GNA11: variants seen among roughly 807,000 people sequenced by gnomAD.
GNA11 encodes the protein guanine nucleotide-binding protein subunit alpha-11.
GNA11 carries 8 observed loss-of-function variants against 38.2 expected under a neutral mutation model. That is an observed-to-expected ratio of 0.21 (90% confidence interval 0.12 to 0.38). The LOEUF (loss-of-function observed/expected upper bound fraction) is 0.38, where lower values mean the gene tolerates loss of function less well. Among genes scored for constraint, GNA11 ranks in the 10% least tolerant of loss-of-function variants. The pLI is 1.00. For synonymous variants in GNA11, 211 were observed against 221.4 expected (o/e 0.95, Z 0.42); for missense variants, 268 against 516.3 (o/e 0.52, Z 4.66).
chr19:3,113,515 G>C (rs1913833266), intron 3 of GNA11, 31 bp downstream of exon 3: 3 of 1,520,800 alleles, frequency 2.0e-6, no homozygotes, highest in East Asian at 4.7e-5. Flanking sequence ...GGCGGCCTGG[G>C]GACGGCAGCT....
chr19:3,103,252 T>C (rs4807401), intron 1 of GNA11, among the ~76,000 whole-genome samples: 112,411 of 151,914 alleles, frequency 0.74, 42,624 homozygotes, highest in Admixed American at 0.83. Flanking sequence ...CTCACTCTGT[T>C]GCCCAGGCTG....
At chr19:3,111,991 GCTTCTGAAA>G (rs1203534720) in intron 2 of GNA11, among the ~76,000 whole-genome samples, 1 of 152,234 alleles carries the variant, frequency 6.6e-6, no homozygotes, top group Non-Finnish European at 1.5e-5. Context: ...ATCTCCATCA[GCTTCTGAAA>G]CACGCATCTG....
intron 3 of GNA11, among the ~76,000 whole-genome samples, 188 bp from the exon 4 acceptor site, chr19:3,114,756 G>T (rs1057438123): frequency 1.8e-4 from 27 of 152,166 alleles, no homozygotes; most frequent in African/African-American, 6.0e-4. Context: ...TGGGAGGCTC[G>T]TATCCCGACC....
At chr19:3,097,731 G>A (rs575223296) in intron 1 of GNA11, among the ~76,000 whole-genome samples, 3 of 149,014 alleles carry the variant, frequency 2.0e-5, no homozygotes, top group East Asian at 2.2e-4. Context: ...CCTCTCCCGC[G>A]GCGGCTAAAA....
rs867185796 is a variant in GNA11 at position 3,115,078 on chromosome 19, G to T, written c.605+6G>T. The stretch of plus-strand genomic sequence containing the variant: ...CTGGAGAACATCATCTTCCGGTACC[G>T]CCCGGGCCACAGCAGGCGGGGAGGG... On this transcript the variant is annotated splice_donor_region_variant and intron_variant, in intron 4 of 6. Transcript: ENST00000078429. 1.9e-5 allele frequency: 31 copies of T among 1,605,954 alleles called. 2 individuals are homozygous for T. In the Middle Eastern group the frequency reaches 5.0e-3, roughly 257 times the overall value.
intron 1 of GNA11, among the ~76,000 whole-genome samples, chr19:3,099,620 G>T (rs1467088435): frequency 6.6e-6 from 1 of 152,088 alleles, no homozygotes; most frequent in Admixed American, 6.6e-5. Context: ...CCAGACTCTC[G>T]CTGTCATCTG....
At chr19:3,113,650 A>G (rs993913847) in intron 3 of GNA11, among the ~76,000 whole-genome samples, 166 bp downstream of exon 3, 2 of 152,168 alleles carry the variant, frequency 1.3e-5, no homozygotes, top group Non-Finnish European at 2.9e-5. Context: ...ACCAGAGCAG[A>G]TCCCTGGAGG....
rs952342997 is a variant in GNA11, at chr19:3,110,982, T to C, written c.321+649T>C. 6.6e-6 allele frequency among the ~76,000 whole-genome samples: 1 copy of C among 152,048 alleles called. No homozygotes were observed. The highest frequency in any genetic ancestry group is 2.4e-5 in the African/African-American group (1 of 41,390). ...CTAATTTTTGTATTTTTTGTAGAGATGGAATTTCACCATGTTGCCCAGGCT... is the reference window on the plus strand; with the variant it reads ...CTAATTTTTGTATTTTTTGTAGAGACGGAATTTCACCATGTTGCCCAGGCT... On this transcript the variant is annotated intron_variant, in intron 2 of 6. Transcript: ENST00000078429. This position sits in a 1 kb window ranked among gnomAD's most constrained non-coding sequence, Gnocchi z 5.4.
chr19:3,095,299 C>T (rs553700234), intron 1 of GNA11, among the ~76,000 whole-genome samples: 19 of 152,250 alleles, frequency 1.2e-4, no homozygotes, highest in Non-Finnish European at 2.4e-4. Context: ...AGGATTTGCC[C>T]TCTGTTCCTT....
In GNA11 at chr19:3,121,659, T is replaced by G. The variant is rs960093749; in HGVS notation, c.*480T>G. 1.9e-4 allele frequency: 45 copies of G among 232,614 alleles called. No individual in the cohort carries two copies. The highest frequency in any genetic ancestry group is 3.3e-4 in the Non-Finnish European group (39 of 117,860). 14.4% of individuals were successfully genotyped at this position (232,614 alleles called of 1,614,324 possible). On this transcript the variant is annotated 3_prime_UTR_variant, in exon 7 of 7. Coordinates refer to ENST00000078429, the MANE Select transcript of GNA11 (RefSeq NM_002067.5). ...GTGCTTTTTCTTTCTCCTGCCCGCT[T>G]CTTTTCTTCATCACAAAAGGCGTGG...
intron 3 of GNA11, 81 bp downstream of exon 3, chr19:3,113,565 G>T: frequency 2.7e-6 from 3 of 1,116,072 alleles, no homozygotes; most frequent in South Asian, 1.6e-5. Context: ...GGCCTCCGCG[G>T]CGTCTGTGGT....
intron 1 of GNA11, among the ~76,000 whole-genome samples, chr19:3,098,740 C>T (rs1166667455): frequency 3.3e-5 from 5 of 152,184 alleles, no homozygotes; most frequent in African/African-American, 4.8e-5. Flanking sequence ...AGCGTGGCCT[C>T]TGGCGCCTGG....
In GNA11 at chr19:3,113,448, G is replaced by T. The variant is rs1035292287; in HGVS notation, c.440G>T (p.Arg147Leu). ...CCGGGCATCCAGGAATGCTACGACC[G>T]CAGGCGCGAGTACCAGCTCTCCGAC... ...EDPGIQECYDRRREYQLSDSA... is the reference protein window; with the variant it reads ...EDPGIQECYDLRREYQLSDSA... The change falls in exon 3 of 7, where the codon CGC becomes CTC. Residue 147 changes from arginine (R) to leucine (L), a missense_variant. Arg to Leu is a moderately radical substitution (Grantham distance 102). Around this residue, in one of 3 missense-constraint regions of GNA11, gnomAD observed 151 missense variants for 254.0 expected, o/e 0.59. Coordinates refer to ENST00000078429, the MANE Select transcript of GNA11 (RefSeq NM_002067.5). 6.2e-7 allele frequency: 1 copy of T among 1,611,010 alleles called. No homozygotes were observed. Among genetic ancestry groups the T allele is most frequent in the Non-Finnish European group, 8.5e-7 (1 of 1,178,352 alleles).
chr19:3,109,655 T>TG (rs750795572), intron 1 of GNA11, among the ~76,000 whole-genome samples: 3 of 152,106 alleles, frequency 2.0e-5, no homozygotes, highest in Non-Finnish European at 4.4e-5. Context: ...AGCAAAGCTC[T>TG]GGGGAAGGGG....
chr19:3,119,656 G>A lies in GNA11; in HGVS notation c.889+297G>A, dbSNP rs1227818673. Among the ~76,000 whole-genome samples the A allele has an allele frequency of 2.6e-5, 4 of 151,612 alleles. No homozygotes were observed. Among genetic ancestry groups the A allele is most frequent in the East Asian group, 1.9e-4 (1 of 5,158 alleles). ...GGTCTCGGGCAGGGGGATCTCGGGT[G>A]GGAGGAGTCTTGTACAAGGAGGGCA... is the stretch of plus-strand genomic sequence containing the variant. On this transcript the variant is annotated intron_variant, in intron 6 of 6. Transcript: ENST00000078429. This position sits in a 1 kb window ranked among gnomAD's most constrained non-coding sequence, Gnocchi z 4.6.
chr19:3,095,609 A>G (rs1913344822), intron 1 of GNA11, among the ~76,000 whole-genome samples: 1 of 151,676 alleles, frequency 6.6e-6, no homozygotes, highest in Non-Finnish European at 1.5e-5. Context: ...GTTCCGGGAA[A>G]CCCCGTACTC....
intron 2 of GNA11, among the ~76,000 whole-genome samples, chr19:3,111,936 C>T (rs966173063): frequency 4.6e-5 from 7 of 152,250 alleles, no homozygotes; most frequent in African/African-American, 1.7e-4. Context: ...TGATCTCTTC[C>T]AGCTGTGGCC....
At chr19:3,101,570 C>T (rs375785543) in intron 1 of GNA11, among the ~76,000 whole-genome samples, 19 of 152,296 alleles carry the variant, frequency 1.2e-4, no homozygotes, top group Non-Finnish European at 1.8e-4. Flanking sequence ...GCCTGGGCTC[C>T]GGACTCCTGC....
Position 3,110,309 on chromosome 19 carries a change from C to T in GNA11, c.297C>T (p.Ile99=). 2 of 1,613,916 alleles carry T rather than the reference C, an allele frequency of 1.2e-6. No homozygotes were observed. Among genetic ancestry groups the T allele is most frequent in the Non-Finnish European group, 1.7e-6 (2 of 1,179,860 alleles). Residue 99 remains isoleucine, a synonymous_variant, in exon 2 of 7, where the codon ATC becomes ATT. Transcript: ENST00000078429. This position sits in a 1 kb window ranked among gnomAD's most constrained non-coding sequence, Gnocchi z 5.4. ...TCCGGGCCATGGAGACGCTCAAGATCCTCTACAAGTACGAGCAGAACAAGG... is the reference window on the plus strand; with the variant it reads ...TCCGGGCCATGGAGACGCTCAAGATTCTCTACAAGTACGAGCAGAACAAGG... ...AMIRAMETLK[I]LYKYEQNKAN... is the part of the protein sequence containing the mutation.
Sources: gnomAD v4.1 joint callset for allele counts (sites outside exome capture counted in the v4.1 genomes callset) on GRCh38, gnomAD v4.1.1 for gene constraint, gnomAD v4.1.1 regional missense constraint, Gnocchi (gnomAD v3.1) non-coding constraint, MANE v1.5 for transcripts, NCBI Gene and HGNC (gene_info 2026-07-23, HGNC 2026-07-21) for gene names.